The following STING1 variants were observed in gnomAD, a reference collection of about 807,000 sequenced individuals.
The protein encoded by STING1 is stimulator of interferon response cGAMP interactor 1.
Under a neutral mutation model 31.6 loss-of-function variants are expected in STING1, and 19 were observed. The observed-to-expected ratio is 0.60, with a 90% CI of 0.42 to 0.88. STING1 has a LOEUF of 0.88. STING1 is among the 40% of genes least tolerant of loss of function. The pLI is 0.00. For synonymous variants in STING1, 200 were observed against 208.6 expected (o/e 0.96, Z 0.35); for missense variants, 371 against 483.7 (o/e 0.77, Z 2.19).
chr5:139,481,017 C>T lies in STING1; in HGVS notation c.412-119G>A. 8.3e-7 allele frequency: 1 copy of T among 1,204,456 alleles called. No homozygotes were observed. Among genetic ancestry groups the T allele is most frequent in the South Asian group, 1.3e-5 (1 of 78,220 alleles). 74.6% of individuals were successfully genotyped at this position (1,204,456 alleles called of 1,614,324 possible). Reference sequence around the variant, plus strand: ...TGATCCCTCTTTTGCCATTGCCAAACCCACTGTTCCAGGACATTATAGGTT... The same window carrying T: ...TGATCCCTCTTTTGCCATTGCCAAATCCACTGTTCCAGGACATTATAGGTT... On this transcript the variant is annotated intron_variant, in intron 4 of 7. Transcript: ENST00000330794. The surrounding 1 kb of genome is among the most constrained non-coding windows in gnomAD (Gnocchi z 4.1).
intron 5 of STING1, chr5:139,479,016 G>T (rs1329009685): frequency 2.6e-5 from 4 of 156,338 alleles, no homozygotes; most frequent in Non-Finnish European, 4.3e-5. Context: ...ATCATTTGAG[G>T]TCAGGAGTTT....
chr5:139,476,535 G>T, intron 7 of STING1, 81 bp from the exon 8 acceptor site: 2 of 1,347,794 alleles, frequency 1.5e-6, no homozygotes, highest in East Asian at 2.5e-5. Flanking sequence ...TTGCTGGGAA[G>T]ATCCCCTAAC....
rs888652949 is a variant in STING1, at chr5:139,481,679, G to A, written c.26C>T (p.Ser9Phe). 9 of 1,608,140 alleles carry A rather than the reference G, an allele frequency of 5.6e-6. No individual in the cohort carries two copies. In the Middle Eastern group the frequency reaches 4.9e-4, roughly 88 times the overall value. MPHSSLHP[S>F]IPCPRGHGAQ... ...CCCGTGACCCCTGGGACACGGGATGGATGGATGCAGGCTGGAGTGGGGCAT... is the reference window on the plus strand; with the variant it reads ...CCCGTGACCCCTGGGACACGGGATGAATGGATGCAGGCTGGAGTGGGGCAT... The change falls in exon 3 of 8, where the codon TCC becomes TTC. Residue 9 changes from serine to phenylalanine, a missense_variant. Ser to Phe is a radical substitution (Grantham distance 155, BLOSUM62 -2). Coordinates refer to ENST00000330794, the MANE Select transcript of STING1 (RefSeq NM_198282.4). This position sits in a 1 kb window ranked among gnomAD's most constrained non-coding sequence, Gnocchi z 4.1.
At chr5:139,479,562 C>T (rs1409759608) in intron 5 of STING1, among the ~76,000 whole-genome samples, 2 of 150,766 alleles carry the variant, frequency 1.3e-5, no homozygotes, top group African/African-American at 2.4e-5. Flanking sequence ...ATTAGCCGGG[C>T]GTGGTGGCAG....
Position 139,481,461 on chromosome 5 carries a change from G to C in STING1, c.227+17C>G, listed in dbSNP as rs1442482442. The C allele has an allele frequency of 6.2e-7, 1 of 1,611,594 alleles. No individual in the cohort carries two copies. Among genetic ancestry groups the C allele is most frequent in the Non-Finnish European group, 8.5e-7 (1 of 1,178,296 alleles). The stretch of plus-strand genomic sequence containing the variant: ...CACACGTTGGATACCCCGTCCCTGG[G>C]TACTGCAGTGAGTCACCTGGAGTGG... On this transcript the variant is annotated intron_variant, in intron 3 of 7. Coordinates refer to ENST00000330794, the MANE Select transcript of STING1 (RefSeq NM_198282.4). The surrounding 1 kb of genome is among the most constrained non-coding windows in gnomAD (Gnocchi z 4.1).
rs1050129224 is a variant in STING1, at chr5:139,480,883, C to A, written c.427G>T (p.Glu143Ter). 6.8e-6 allele frequency: 11 copies of A among 1,613,876 alleles called. No individual in the cohort carries two copies. In the African/African-American group the frequency reaches 1.5e-4, roughly 22 times the overall value. ...LLGLKGLAPAEISAVCEKGNF... is the reference protein window; with the variant it reads ...LLGLKGLAPA ...CCTTTTTCACACACTGCAGAGATCT[C>A]AGCTGGGGCCAGGCCCTGTGGACAG... Residue 143 changes from glutamate (E) to a stop codon, truncating the protein, a stop_gained, in exon 5 of 8, where the codon GAG becomes TAG. Coordinates refer to ENST00000330794, the MANE Select transcript of STING1 (RefSeq NM_198282.4). LOFTEE classifies it high-confidence loss of function.
Position 139,481,033 on chromosome 5 carries a change from A to C in STING1, c.411+126T>G. On this transcript the variant is annotated intron_variant, in intron 4 of 7. Coordinates refer to ENST00000330794, the MANE Select transcript of STING1 (RefSeq NM_198282.4). This position sits in a 1 kb window ranked among gnomAD's most constrained non-coding sequence, Gnocchi z 4.1. Reference sequence around the variant, plus strand: ...ATTGCCAAACCCACTGTTCCAGGACATTATAGGTTCTACTCCATGGACTCC... The same window carrying C: ...ATTGCCAAACCCACTGTTCCAGGACCTTATAGGTTCTACTCCATGGACTCC... 2.5e-6 allele frequency: 3 copies of C among 1,206,678 alleles called. No homozygotes were observed. Among genetic ancestry groups the C allele is most frequent in the Non-Finnish European group, 3.6e-6 (3 of 824,158 alleles). 74.7% of individuals were successfully genotyped at this position (1,206,678 alleles called of 1,614,324 possible). A position where few individuals can be genotyped will look rare whatever the true frequency, so the allele number is the denominator to read the frequency against.
chr5:139,478,154 G>A (rs1044474912), intron 6 of STING1, 116 bp downstream of exon 6: 2 of 787,782 alleles, frequency 2.5e-6, no homozygotes, highest in Non-Finnish European at 4.2e-6. Context: ...CCTGGGACCA[G>A]CTAGGGACAC....
rs768075396 is a variant in STING1 at position 139,477,390 on chromosome 5, A to T, written c.885T>A (p.Leu295=). ...LEQAKLFCRT[L]EDILADAPES... Reference sequence around the variant, plus strand: ...CAGGGGCATCTGCCAGGATGTCCTCAAGTGTCCGGCAGAAGAGTTTGGCCT... The same window carrying T: ...CAGGGGCATCTGCCAGGATGTCCTCTAGTGTCCGGCAGAAGAGTTTGGCCT... The change falls in exon 7 of 8, where the codon CTT becomes CTA. Residue 295 remains leucine, a synonymous_variant. Transcript: ENST00000330794. 9 of 1,614,090 alleles carry T rather than the reference A, an allele frequency of 5.6e-6. No homozygotes were observed. Among genetic ancestry groups the T allele is most frequent in the Admixed American group, 1.7e-5 (1 of 60,006 alleles).
chr5:139,480,982 G>T, intron 4 of STING1, 84 bp from the exon 5 acceptor site: 2 of 1,240,664 alleles, frequency 1.6e-6, no homozygotes, highest in Non-Finnish European at 2.3e-6. Flanking sequence ...TTCCCAACCT[G>T]CTCCTGACTT....
rs779071530 is a variant in STING1 at position 139,478,355 on chromosome 5, A to T, written c.674T>A (p.Leu225Gln). Residue 225 changes from leucine (L) to glutamine (Q), a missense_variant, in exon 6 of 8, where the codon CTG becomes CAG. By Grantham distance (113) the Leu-to-Gln change is moderately radical (BLOSUM62 -2). Coordinates refer to ENST00000330794, the MANE Select transcript of STING1 (RefSeq NM_198282.4). ...AGCATGGTCACCGGTCTGCTGGGGCAGTTTATCCAGGAAGCGAATGTTGGG... is the reference window on the plus strand; with the variant it reads ...AGCATGGTCACCGGTCTGCTGGGGCTGTTTATCCAGGAAGCGAATGTTGGG... Reference protein sequence around the residue: ...ADPNIRFLDKLPQQTGDHAGI... With the variant: ...ADPNIRFLDKQPQQTGDHAGI... 6.2e-7 allele frequency: 1 copy of T among 1,614,150 alleles called. No individual in the cohort carries two copies. The highest frequency in any genetic ancestry group is 8.5e-7 in the Non-Finnish European group (1 of 1,180,016).
intron 5 of STING1, 155 bp from the exon 6 acceptor site, chr5:139,478,663 G>A (rs1286113573): frequency 4.0e-5 from 27 of 667,794 alleles, no homozygotes; most frequent in African/African-American, 5.4e-5. Flanking sequence ...GAGGGGCAGC[G>A]CCTCCAAAAG....
intron 5 of STING1, among the ~76,000 whole-genome samples, chr5:139,480,479 G>C (rs931386425): frequency 6.6e-6 from 1 of 152,144 alleles, no homozygotes; most frequent in African/African-American, 2.4e-5. Context: ...TTGGAAGGAG[G>C]AGGTTGCAGT....
intron 5 of STING1, 81 bp from the exon 6 acceptor site, chr5:139,478,589 C>T (rs1466735082): frequency 4.1e-6 from 5 of 1,230,032 alleles, no homozygotes; most frequent in African/African-American, 1.5e-5. Flanking sequence ...GGTCATTGGC[C>T]CCCGCAGTGT....
Position 139,478,383 on chromosome 5 carries a change from C to G in STING1, c.646G>C (p.Asp216His). The G allele has an allele frequency of 6.2e-7, 1 of 1,614,160 alleles. No homozygotes were observed. Among genetic ancestry groups the G allele is most frequent in the Non-Finnish European group, 8.5e-7 (1 of 1,180,014 alleles). ...CGVPDNLSMA[D>H]PNIRFLDKLP... is the part of the protein sequence containing the mutation. ...TTATCCAGGAAGCGAATGTTGGGGT[C>G]AGCCATACTCAGGTTATCAGGCACC... The change falls in exon 6 of 8, where the codon GAC becomes CAC. Residue 216 changes from aspartate (D) to histidine (H), a missense_variant. Coordinates refer to ENST00000330794, the MANE Select transcript of STING1 (RefSeq NM_198282.4).
Position 139,478,507 on chromosome 5 carries a change from C to T in STING1, c.522G>A (p.Glu174=). The change falls in exon 6 of 8, where the codon GAG becomes GAA. Residue 174 remains glutamate, a splice_region_variant and synonymous_variant. Transcript: ENST00000330794. ...TGTAAGTTCGAATCCGGGCCTGGAG[C>T]TCTGAGGCAGGGAAGCCCAAGAAGT... ...YIGYLRLILP[E]LQARIRTYNQ... 8 of 1,613,630 alleles carry T rather than the reference C, an allele frequency of 5.0e-6. No homozygotes were observed. The highest frequency in any genetic ancestry group is 6.8e-6 in the Non-Finnish European group (8 of 1,179,684).
At chr5:139,480,735 G>T in intron 5 of STING1, 55 bp downstream of exon 5, 1 of 1,087,944 alleles carries the variant, frequency 9.2e-7, no homozygotes, top group Non-Finnish European at 1.4e-6. Flanking sequence ...AAGAGGCTGT[G>T]TGTCTTAGTG....
At chr5:139,480,957 C>G (rs1412334725) in intron 4 of STING1, 59 bp from the exon 5 acceptor site, 4 of 1,392,212 alleles carry the variant, frequency 2.9e-6, no homozygotes, top group Non-Finnish European at 4.1e-6. Context: ...AGAACTCCTC[C>G]TCCTCCTCCA....
At chr5:139,479,943 G>A (rs1020212934) in intron 5 of STING1, among the ~76,000 whole-genome samples, 10 of 145,074 alleles carry the variant, frequency 6.9e-5, no homozygotes, top group African/African-American at 1.5e-4. Context: ...GGCAGAGGTC[G>A]CAGTGAGCTG....
Sources: allele counts gnomAD v4.1 joint callset (sites outside exome capture counted in the v4.1 genomes callset), GRCh38; gene constraint gnomAD v4.1.1; non-coding constraint Gnocchi (gnomAD v3.1); transcripts MANE v1.5; gene names NCBI Gene and HGNC (gene_info 2026-07-23, HGNC 2026-07-21).